TMEM131L: variants seen among roughly 807,000 people sequenced by gnomAD.
The protein encoded by TMEM131L is transmembrane protein 131-like.
A neutral mutation model predicts 192.2 loss-of-function variants in TMEM131L; 54 were observed. That is an observed-to-expected ratio of 0.28 (90% CI 0.23 to 0.35). TMEM131L has a LOEUF of 0.35. Ranked by LOEUF, TMEM131L falls within the 10% of genes least tolerant of loss-of-function variation. The probability of loss-of-function intolerance (pLI) is 1.00; values close to 1 mark genes in which losing one functional copy is unlikely to be tolerated. For synonymous variants in TMEM131L, 701 were observed against 704.9 expected (o/e 0.99, Z 0.09); for missense variants, 1,888 against 1,972.9 (o/e 0.96, Z 0.82).
chr4:153,541,711 GT>G (rs1736791624), intron 3 of TMEM131L, among the ~76,000 whole-genome samples: 1 of 152,210 alleles, frequency 6.6e-6, no homozygotes, highest in Non-Finnish European at 1.5e-5. Context: ...CTGAAAAGAT[GT>G]TGGGCAGCTG....
At chr4:153,485,011 T>C (rs930610422) in intron 3 of TMEM131L, among the ~76,000 whole-genome samples, 2 of 147,958 alleles carry the variant, frequency 1.4e-5, no homozygotes, top group South Asian at 2.1e-4. Context: ...CCCAGCTACT[T>C]GGGAGGCTGA....
In TMEM131L at chr4:153,467,164, C is replaced by T. The variant is rs975150926; in HGVS notation, c.125-47C>T. On this transcript the variant is annotated intron_variant, in intron 1 of 34. Transcript: ENST00000409959. ...ACGGTAGGGGAAACAGGAAGCGTTT[C>T]TTTAGCGTGCATTAAAAACGTGGTG... The T allele has an allele frequency of 5.9e-6, 9 of 1,531,808 alleles. No homozygotes were observed. In the African/African-American group the frequency reaches 8.2e-5, roughly 14 times the overall value. 94.9% of individuals were successfully genotyped at this position (1,531,808 alleles called of 1,614,324 possible). A position where few individuals can be genotyped will look rare whatever the true frequency, so the allele number is the denominator to read the frequency against.
chr4:153,606,003 G>T (rs763475147), intron 25 of TMEM131L, among the ~76,000 whole-genome samples: 22 of 152,296 alleles, frequency 1.4e-4, no homozygotes, highest in Non-Finnish European at 2.4e-4. Flanking sequence ...ACTTATGTCT[G>T]CAGGGTGGAC....
chr4:153,527,641 C>A (rs2150202212), intron 3 of TMEM131L, among the ~76,000 whole-genome samples: 1 of 152,240 alleles, frequency 6.6e-6, no homozygotes, highest in Admixed American at 6.5e-5. Context: ...TGTGACCCCA[C>A]CCCTGCCCTG....
intron 3 of TMEM131L, among the ~76,000 whole-genome samples, chr4:153,520,680 C>T (rs1379677825): frequency 6.6e-6 from 1 of 152,200 alleles, no homozygotes; most frequent in Non-Finnish European, 1.5e-5. Flanking sequence ...CAAGGGCTAT[C>T]TCTGTGCCCT....
chr4:153,574,945 A>G (rs573433086), intron 7 of TMEM131L, among the ~76,000 whole-genome samples: 2 of 152,342 alleles, frequency 1.3e-5, no homozygotes, highest in Admixed American at 1.3e-4. Flanking sequence ...GAAAGGGGAG[A>G]AAGATGTCTG....
intron 3 of TMEM131L, among the ~76,000 whole-genome samples, chr4:153,485,178 C>T (rs1054220334): frequency 1.4e-5 from 2 of 148,040 alleles, no homozygotes; most frequent in Admixed American, 1.3e-4. Context: ...ATACTACTCA[C>T]TGTTGATTCG....
At position 153,635,654 on chromosome 4, in the gene TMEM131L, G is replaced by T; in HGVS notation, c.4557+83G>T. The T allele has an allele frequency of 5.3e-6, 8 of 1,501,846 alleles. No individual in the cohort carries two copies. In the South Asian group the frequency reaches 8.5e-5, roughly 16 times the overall value. The allele number at this position is 1,501,846 out of a possible 1,614,324, so 93.0% of individuals were successfully genotyped here. ...GCTTCCTTAATCCTGGTCTCAGCTA[G>T]CTTTAGCGTTGGGTTTGGACCAGCC... On this transcript the variant is annotated intron_variant, in intron 34 of 34. Transcript: ENST00000409959.
intron 26 of TMEM131L, among the ~76,000 whole-genome samples, chr4:153,618,620 A>T (rs555125529): frequency 6.6e-6 from 1 of 152,182 alleles, no homozygotes; most frequent in South Asian, 2.1e-4. Context: ...CGGGAAACTG[A>T]GGCAGAGAGG....
chr4:153,469,832 A>G (rs989552639), intron 2 of TMEM131L, among the ~76,000 whole-genome samples: 1 of 152,122 alleles, frequency 6.6e-6, no homozygotes, highest in African/African-American at 2.4e-5. Flanking sequence ...AGGCTGAGGC[A>G]GGAGAATTGC....
At chr4:153,558,923 A>G (rs961521359) in intron 7 of TMEM131L, among the ~76,000 whole-genome samples, 1 of 152,232 alleles carries the variant, frequency 6.6e-6, no homozygotes, top group Admixed American at 6.5e-5. Context: ...CATTTCATGA[A>G]TCATTTTATA....
chr4:153,468,692 C>A (rs1055812585), intron 2 of TMEM131L, among the ~76,000 whole-genome samples: 1 of 152,120 alleles, frequency 6.6e-6, no homozygotes, highest in Non-Finnish European at 1.5e-5. Flanking sequence ...CAGTTAGCAT[C>A]CCTTGCCTCT....
chr4:153,575,483 T>C (rs956076617), intron 7 of TMEM131L, among the ~76,000 whole-genome samples: 1 of 152,218 alleles, frequency 6.6e-6, no homozygotes, highest in African/African-American at 2.4e-5. Flanking sequence ...TATTTTAATT[T>C]GTTAAAAAAG....
At chr4:153,513,878 T>G (rs1307924514) in intron 3 of TMEM131L, among the ~76,000 whole-genome samples, 1 of 152,222 alleles carries the variant, frequency 6.6e-6, no homozygotes, top group Non-Finnish European at 1.5e-5. Flanking sequence ...TCTTGACTCT[T>G]GACTCATTCT....
intron 25 of TMEM131L, among the ~76,000 whole-genome samples, chr4:153,605,981 C>T (rs540581155): frequency 4.6e-5 from 7 of 152,322 alleles, no homozygotes; most frequent in East Asian, 1.9e-4. Context: ...GTGGTGCACA[C>T]GCCTGAAGTG....
At chr4:153,566,798 A>T (rs1405722617) in intron 7 of TMEM131L, among the ~76,000 whole-genome samples, 2 of 152,190 alleles carry the variant, frequency 1.3e-5, no homozygotes, top group African/African-American at 4.8e-5. Flanking sequence ...CTGCCATGGC[A>T]ACATGTTGCT....
chr4:153,501,943 G>GTTT (rs575832226), intron 3 of TMEM131L, among the ~76,000 whole-genome samples: 15,438 of 117,172 alleles, frequency 0.13, 2,475 homozygotes, highest in African/African-American at 0.38. Context: ...CCCCCAAAGG[G>GTTT]TTTTTTTTTT....
rs1298934066 is a variant in TMEM131L, at chr4:153,593,817, G to A, written c.1941G>A (p.Gln647=). The change falls in exon 19 of 35, where the codon CAG becomes CAA. Residue 647 remains glutamine (Q), a synonymous_variant. Coordinates refer to ENST00000409959, the MANE Select transcript of TMEM131L (RefSeq NM_001131007.2). ...LLHRWFGTDM[Q]MINFTTGEFQ... ...CTTATAGGTTTGGCACTGATATGCAGATGATTAATTTCACAACTGGTGAAT... is the reference window on the plus strand; with the variant it reads ...CTTATAGGTTTGGCACTGATATGCAAATGATTAATTTCACAACTGGTGAAT... The A allele has an allele frequency of 1.2e-6, 2 of 1,612,718 alleles. No homozygotes were observed. Among genetic ancestry groups the A allele is most frequent in the African/African-American group, 1.3e-5 (1 of 74,904 alleles).
chr4:153,571,904 C>A (rs1000652178), intron 7 of TMEM131L, among the ~76,000 whole-genome samples: 2 of 152,198 alleles, frequency 1.3e-5, no homozygotes, highest in African/African-American at 4.8e-5. Flanking sequence ...TCTTGCCTGT[C>A]TTCCTTTATT....
Sources: gnomAD v4.1 joint callset for allele counts (sites outside exome capture counted in the v4.1 genomes callset) on GRCh38, gnomAD v4.1.1 for gene constraint, MANE v1.5 for transcripts, NCBI Gene and HGNC (gene_info 2026-07-23, HGNC 2026-07-21) for gene names.